Variants in TPTE2 observed in about 807,000 individuals in gnomAD.
The protein encoded by TPTE2 is phosphatidylinositol 3,4,5-trisphosphate 3-phosphatase TPTE2.
In TPTE2, 53 loss-of-function variants were observed where a neutral mutation model predicts 78.6. The observed-to-expected ratio is 0.67, with a 90% CI of 0.54 to 0.85. The LOEUF (loss-of-function observed/expected upper bound fraction) is 0.85. Among genes scored for constraint, TPTE2 ranks in the 40% least tolerant of loss-of-function variants. TPTE2 has a pLI of 0.00. For missense variants in TPTE2, 461 were observed against 623.0 expected (o/e 0.74, Z 2.77); for synonymous variants, 175 against 206.2 (o/e 0.85, Z 1.30).
intron 1 of TPTE2, among the ~76,000 whole-genome samples, chr13:19,501,886 G>A (rs564838902): frequency 5.1e-4 from 77 of 151,070 alleles, no homozygotes; most frequent in African/African-American, 1.4e-3. Context: ...GAAAATTTTC[G>A]CAACCTACTC....
At chr13:19,492,266 G>A (rs1213698182) in intron 3 of TPTE2, among the ~76,000 whole-genome samples, 1 of 152,128 alleles carries the variant, frequency 6.6e-6, no homozygotes, top group East Asian at 1.9e-4. Flanking sequence ...TGAGGTGGTG[G>A]GTTTGGGTTG....
the TPTE2 span, among the ~76,000 whole-genome samples, chr13:19,543,599 A>AC: frequency 3.3e-4 from 45 of 135,654 alleles, no homozygotes; most frequent in African/African-American, 1.1e-3. Flanking sequence ...CAGGTGATCC[A>AC]CCCCCCTCAG....
chr13:19,483,072 TA>T (rs1328819789), intron 3 of TPTE2, among the ~76,000 whole-genome samples: 1 of 152,222 alleles, frequency 6.6e-6, no homozygotes, highest in Non-Finnish European at 1.5e-5. Context: ...CTTTATTGGT[TA>T]AAAAATGCTA....
chr13:19,464,420 C>G, intron 10 of TPTE2, 36 bp downstream of exon 13: 5 of 1,578,250 alleles, frequency 3.2e-6, no homozygotes, highest in Non-Finnish European at 4.3e-6. Flanking sequence ...TCTACATTCA[C>G]TGAGAAATGA....
chr13:19,471,165 C>T (rs1328984925), intron 6 of TPTE2, among the ~76,000 whole-genome samples: 1 of 152,142 alleles, frequency 6.6e-6, no homozygotes, highest in Non-Finnish European at 1.5e-5. Context: ...GCCTTGGCCT[C>T]CCAAACTGCT....
intron 17 of TPTE2, among the ~76,000 whole-genome samples, chr13:19,427,519 A>C (rs1876222725): frequency 6.6e-6 from 1 of 152,210 alleles, no homozygotes; most frequent in African/African-American, 2.4e-5. Context: ...ATACATTAAG[A>C]AGCTCAATTT....
chr13:19,531,123 T>C (rs1870841356), intron 1 of TPTE2, among the ~76,000 whole-genome samples: 3 of 152,204 alleles, frequency 2.0e-5, no homozygotes, highest in African/African-American at 7.2e-5. Flanking sequence ...GACTGGCTTA[T>C]TTCACTTAGT....
intron 3 of TPTE2, among the ~76,000 whole-genome samples, chr13:19,489,959 T>C (rs1880906970): frequency 6.6e-6 from 1 of 152,122 alleles, no homozygotes; most frequent in Non-Finnish European, 1.5e-5. Flanking sequence ...GAGACATACT[T>C]TTCTGGTTGA....
chr13:19,438,897 G>C (rs1041733217), intron 13 of TPTE2, among the ~76,000 whole-genome samples: 9 of 152,196 alleles, frequency 5.9e-5, no homozygotes, highest in Admixed American at 1.3e-4. Flanking sequence ...GGGTGTGAGA[G>C]AGGCAGACAG....
chr13:19,461,437 C>T (rs1360150778), intron 10 of TPTE2, among the ~76,000 whole-genome samples: 3 of 151,940 alleles, frequency 2.0e-5, no homozygotes, highest in African/African-American at 7.3e-5. Flanking sequence ...TGGGAACACT[C>T]AACATCCTCT....
chr13:19,511,613 G>A (rs1453662123), intron 1 of TPTE2, among the ~76,000 whole-genome samples: 1 of 152,106 alleles, frequency 6.6e-6, no homozygotes, highest in African/African-American at 2.4e-5. Flanking sequence ...TCCAGGGCTG[G>A]GGAAATGCTC....
At chr13:19,537,417 G>C (rs1420479799), upstream of TPTE2, among the ~76,000 whole-genome samples, 4 of 151,420 alleles carry the variant, frequency 2.6e-5, no homozygotes, top group Non-Finnish European at 5.9e-5. Context: ...ATTTTTAGTA[G>C]AGACAGGGTT....
In TPTE2 at chr13:19,433,131, G is replaced by A. The variant is rs1041962479; in HGVS notation, c.1117-553C>T. Among the ~76,000 whole-genome samples, 17 of 152,200 alleles carry A rather than the reference G, an allele frequency of 1.1e-4. No individual in the cohort carries two copies. The Middle Eastern group carries it at 0.01, about 91-fold the overall frequency. On this transcript the variant is annotated intron_variant, in intron 15 of 19. Coordinates refer to ENST00000400230, the Ensembl canonical transcript of TPTE2. ...TCTCTCAGCCTTGTCCTTTCCCTGG[G>A]GCAAGCTGTTCACAACGGCTCTCCC... is the stretch of plus-strand genomic sequence containing the variant.
chr13:19,467,653 C>T (rs1244352962), intron 6 of TPTE2, among the ~76,000 whole-genome samples: 1 of 152,032 alleles, frequency 6.6e-6, no homozygotes, highest in African/African-American at 2.4e-5. Flanking sequence ...GGTATCTATC[C>T]CCTCAAGCAT....
chr13:19,470,435 C>A (rs1163214114), intron 6 of TPTE2, among the ~76,000 whole-genome samples: 1 of 152,088 alleles, frequency 6.6e-6, no homozygotes, highest in African/African-American at 2.4e-5. Context: ...TTTCCAGTAT[C>A]TTGTTGAGGA....
exon 20 of TPTE2, chr13:19,423,010 A>G: frequency 6.3e-7 from 1 of 1,595,862 alleles, no homozygotes; most frequent in Non-Finnish European, 8.5e-7. Context: ...CTTTCCCAGA[A>G]GGGGAAGGGG....
At position 19,474,026 on chromosome 13, in the gene TPTE2, C is replaced by T. The variant is rs368683219; in HGVS notation, c.280G>A (p.Asp94Asn). 1.7e-5 allele frequency: 27 copies of T among 1,608,280 alleles called. No homozygotes were observed. In the African/African-American group the frequency reaches 2.4e-4, roughly 14 times the overall value. The change falls in exon 6 of 20, where the codon GAC becomes AAC. Residue 94 changes from aspartate to asparagine, a missense_variant. Transcript: ENST00000400230. ...AGTTTGCTGTCAGTGAAAATTAGGT[C>T]GGCAAGGAGGAGAGTGACATCCAGT...
At chr13:19,511,498 G>A (rs971640571) in intron 1 of TPTE2, among the ~76,000 whole-genome samples, 2 of 151,956 alleles carry the variant, frequency 1.3e-5, no homozygotes, top group Non-Finnish European at 2.9e-5. Flanking sequence ...TCTCATCTAG[G>A]TATTAAAAAG....
upstream of TPTE2, among the ~76,000 whole-genome samples, chr13:19,503,535 A>G (rs1175022064): frequency 2.0e-5 from 3 of 151,950 alleles, no homozygotes; most frequent in Non-Finnish European, 4.4e-5. Context: ...CTCAGTCCCA[A>G]TGCGTGACAG....
Sources: allele counts gnomAD v4.1 joint callset (sites outside exome capture counted in the v4.1 genomes callset), GRCh38; gene constraint gnomAD v4.1.1; transcripts MANE v1.5; gene names NCBI Gene and HGNC (gene_info 2026-07-23, HGNC 2026-07-21).